Variants in ELP4 observed in about 807,000 individuals in gnomAD.
ELP4 encodes elongator acetyltransferase complex subunit 4.
ELP4 carries 51 observed loss-of-function variants against 48.9 expected under a neutral mutation model. The ratio of observed to expected loss-of-function variants is 1.04; its 90% CI spans 0.83 to 1.32. ELP4 has a LOEUF of 1.32. Ranked by LOEUF, ELP4 falls within the 40% of genes most tolerant of loss-of-function variation. ELP4 has a pLI of 0.00. For missense variants in ELP4, 519 were observed against 514.6 expected, an observed-to-expected ratio of 1.01 and a Z score of -0.08; for synonymous variants, 210 against 189.2, an observed-to-expected ratio of 1.11 and a Z score of -0.90.
At chr11:31,566,368 A>G (rs959092454) in intron 3 of ELP4, among the ~76,000 whole-genome samples, 3 of 152,182 alleles carry the variant, frequency 2.0e-5, no homozygotes, top group Non-Finnish European at 4.4e-5. Flanking sequence ...CAAAAAAAAA[A>G]AAGATTCATT....
intron 9 of ELP4, among the ~76,000 whole-genome samples, chr11:31,737,970 G>C (rs1947357036): frequency 6.6e-6 from 1 of 152,100 alleles, no homozygotes. Context: ...CCAGGATCTT[G>C]AAGAGATATT....
rs199611500 is a variant in ELP4 at position 31,579,230 on chromosome 11, A to G, written c.382-15540A>G. On this transcript the variant is annotated intron_variant, in intron 3 of 9. Coordinates refer to ENST00000640961, the MANE Select transcript of ELP4 (RefSeq NM_019040.5). ...CAGAGAAATGCAAATCAAAACCACA[A>G]TGAGATACCATCTCACACCAGTTAG... 1.3e-4 allele frequency among the ~76,000 whole-genome samples: 20 copies of G among 152,360 alleles called. No homozygotes were observed. In the East Asian group the frequency reaches 3.7e-3, roughly 28 times the overall value.
At position 31,524,749 on chromosome 11, in the gene ELP4, A is replaced by G. The variant is rs144411591; in HGVS notation, c.259+4658A>G. Among the ~76,000 whole-genome samples, 526 of 152,294 alleles carry G rather than the reference A, an allele frequency of 3.5e-3. 1 individual carries two copies. Among genetic ancestry groups the G allele is most frequent in the Middle Eastern group, 6.8e-3 (2 of 294 alleles). On this transcript the variant is annotated intron_variant, in intron 2 of 9. Transcript: ENST00000640961. ...AACCTTTCTGAATTTGCTAAGCTAT[A>G]TTATTCTTCTACATCATGCAATAAA...
intron 9 of ELP4, among the ~76,000 whole-genome samples, chr11:31,698,547 G>C (rs1052792866): frequency 1.3e-5 from 2 of 151,986 alleles, no homozygotes; most frequent in African/African-American, 4.8e-5. Flanking sequence ...CGAGTAGCTG[G>C]GATCACAGGC....
At position 31,658,321 on chromosome 11, in the gene ELP4, G is replaced by C. The variant is rs190788846; in HGVS notation, c.1143+8100G>C. Reference sequence around the variant, plus strand: ...AAAATACATTATAAAATTATGATTGGATTAATCACAGCTTCTCCCTTATAT... The same window carrying C: ...AAAATACATTATAAAATTATGATTGCATTAATCACAGCTTCTCCCTTATAT... On this transcript the variant is annotated intron_variant, in intron 9 of 9. Coordinates refer to ENST00000640961, the MANE Select transcript of ELP4 (RefSeq NM_019040.5). Among the ~76,000 whole-genome samples the C allele has an allele frequency of 4.0e-5, 6 of 151,060 alleles. No homozygotes were observed. In the East Asian group the frequency reaches 1.2e-3, roughly 29 times the overall value.
chr11:31,528,046 C>A (rs1956326990), intron 2 of ELP4, among the ~76,000 whole-genome samples: 1 of 152,108 alleles, frequency 6.6e-6, no homozygotes, highest in Non-Finnish European at 1.5e-5. Flanking sequence ...AGTTAGACAT[C>A]TCTTCCAGAA....
chr11:31,685,004 A>G (rs954559753), intron 9 of ELP4, among the ~76,000 whole-genome samples: 8 of 152,348 alleles, frequency 5.3e-5, no homozygotes, highest in African/African-American at 1.9e-4. Context: ...ACTTTAAGAC[A>G]TAATACTGAA....
At chr11:31,645,363 T>C (rs2134066232) in intron 7 of ELP4, among the ~76,000 whole-genome samples, 1 of 151,874 alleles carries the variant, frequency 6.6e-6, no homozygotes, top group African/African-American at 2.4e-5. Flanking sequence ...CATTATAGGA[T>C]GTAAAATGGT....
chr11:31,742,027 TA>T (rs1211955088), intron 9 of ELP4, among the ~76,000 whole-genome samples: 2 of 152,072 alleles, frequency 1.3e-5, no homozygotes, highest in Non-Finnish European at 2.9e-5. Flanking sequence ...ATAACTAGAC[TA>T]ACCAACGCAG....
intron 3 of ELP4, among the ~76,000 whole-genome samples, chr11:31,548,356 G>A (rs1293515981): frequency 6.6e-6 from 1 of 151,054 alleles, no homozygotes; most frequent in African/African-American, 2.4e-5. Flanking sequence ...CAAACAGAGA[G>A]CCAAATCATG....
chr11:31,736,937 T>G (rs1329475327), intron 9 of ELP4, among the ~76,000 whole-genome samples: 2 of 152,182 alleles, frequency 1.3e-5, no homozygotes, highest in African/African-American at 2.4e-5. Context: ...GAACTAGAAA[T>G]ACCATTTGAC....
At chr11:31,520,376 T>C (rs987323929) in intron 2 of ELP4, among the ~76,000 whole-genome samples, 3 of 152,194 alleles carry the variant, frequency 2.0e-5, no homozygotes, top group African/African-American at 7.2e-5. Context: ...TGAATTGATT[T>C]TTTTGGAGAA....
chr11:31,555,736 G>T (rs1956921321), intron 3 of ELP4, among the ~76,000 whole-genome samples: 1 of 151,844 alleles, frequency 6.6e-6, no homozygotes, highest in South Asian at 2.1e-4. Flanking sequence ...AAATATTTTT[G>T]TAATGTAAAA....
chr11:31,597,885 G>T (rs940911791), intron 4 of ELP4, among the ~76,000 whole-genome samples: 1 of 151,056 alleles, frequency 6.6e-6, no homozygotes, highest in Non-Finnish European at 1.5e-5. Flanking sequence ...TCTTTTCATT[G>T]GTAATTAGCA....
intron 3 of ELP4, among the ~76,000 whole-genome samples, chr11:31,571,728 G>A (rs532076847): frequency 6.6e-6 from 1 of 152,310 alleles, no homozygotes; most frequent in East Asian, 1.9e-4. Context: ...CATGAAAACA[G>A]TAATCTCCTT....
At chr11:31,594,676 C>T (rs990623189) in intron 3 of ELP4, 94 bp from the exon 4 acceptor site, 12 of 747,992 alleles carry the variant, frequency 1.6e-5, no homozygotes, top group Non-Finnish European at 2.4e-5. Flanking sequence ...ATTTTCAATA[C>T]ATTGGAAATT....
chr11:31,622,062 G>C (rs763345511), intron 5 of ELP4, among the ~76,000 whole-genome samples: 1 of 151,776 alleles, frequency 6.6e-6, no homozygotes, highest in Non-Finnish European at 1.5e-5. Context: ...TGTGGTGACT[G>C]TGATACAAAA....
intron 3 of ELP4, among the ~76,000 whole-genome samples, chr11:31,590,382 A>G (rs1364604587): frequency 1.3e-5 from 2 of 152,192 alleles, no homozygotes; most frequent in African/African-American, 4.8e-5. Flanking sequence ...ATAAAAATAT[A>G]AGAACCCCTA....
intron 9 of ELP4, among the ~76,000 whole-genome samples, chr11:31,678,254 C>G (rs1945973049): frequency 6.6e-6 from 1 of 151,994 alleles, no homozygotes; most frequent in South Asian, 2.1e-4. Context: ...TGAGACCAAC[C>G]TGGACCACAA....
Sources: allele counts gnomAD v4.1 joint callset (sites outside exome capture counted in the v4.1 genomes callset), GRCh38; gene constraint gnomAD v4.1.1; transcripts MANE v1.5; gene names NCBI Gene and HGNC (gene_info 2026-07-23, HGNC 2026-07-21).